RRBP1: variants seen among roughly 807,000 people sequenced by gnomAD.
The protein encoded by RRBP1 is ribosome binding protein 1.
A neutral mutation model predicts 165.2 loss-of-function variants in RRBP1; 94 were observed. The ratio of observed to expected loss-of-function variants is 0.57; its 90% CI spans 0.48 to 0.68. The LOEUF is 0.68. Among genes scored for constraint, RRBP1 ranks in the 30% least tolerant of loss-of-function variants. RRBP1 has a pLI of 0.00. For synonymous variants in RRBP1, 680 were observed against 714.5 expected, an observed-to-expected ratio of 0.95 and a Z score of 0.77; for missense variants, 1,676 against 1,763.0, an observed-to-expected ratio of 0.95 and a Z score of 0.88.
At chr20:17,617,583 C>T (rs1355786076) in intron 20 of RRBP1, among the ~76,000 whole-genome samples, 3 of 152,252 alleles carry the variant, frequency 2.0e-5, no homozygotes, top group African/African-American at 7.2e-5. Context: ...TTTCTCTGCA[C>T]ATCCCCGGCC....
chr20:17,635,978 A>C (rs1217034497), intron 6 of RRBP1, among the ~76,000 whole-genome samples: 3 of 152,156 alleles, frequency 2.0e-5, no homozygotes, highest in African/African-American at 7.2e-5. Context: ...CACATGGTTG[A>C]CTGTTCTAAG....
In RRBP1 at chr20:17,656,318, G is replaced by A. The variant is rs566191117; in HGVS notation, c.1912+2278C>T. Among the ~76,000 whole-genome samples the A allele has an allele frequency of 3.3e-5, 5 of 152,350 alleles. No homozygotes were observed. In the South Asian group the frequency reaches 1.0e-3, roughly 32 times the overall value. On this transcript the variant is annotated intron_variant, in intron 3 of 24. Transcript: ENST00000377813. Reference sequence around the variant, plus strand: ...TGTGGTTGCACAGCCCTGCGTGGCTGTGTGTCAAGCTCCCCCATGTCAGCC... The same window carrying A: ...TGTGGTTGCACAGCCCTGCGTGGCTATGTGTCAAGCTCCCCCATGTCAGCC...
At chr20:17,631,860 A>G (rs1236855466) in intron 8 of RRBP1, among the ~76,000 whole-genome samples, 2 of 152,238 alleles carry the variant, frequency 1.3e-5, no homozygotes, top group Non-Finnish European at 2.9e-5. Context: ...CACAATATGG[A>G]AAGAGCCCCA....
chr20:17,629,845 C>A lies in RRBP1; in HGVS notation c.2727G>T (p.Gln909His). 6.3e-7 allele frequency: 1 copy of A among 1,599,274 alleles called. No homozygotes were observed. The highest frequency in any genetic ancestry group is 1.1e-5 in the South Asian group (1 of 91,016). ...ASLRADAEKA[Q>H]EQQQQMAELH... ...TACCGGCCATCTGCTGCTGTTGCTC[C>A]TGGGCCTTCTCGGCATCCGCCCGGA... Residue 909 changes from glutamine to histidine, a missense_variant, in exon 9 of 25, where the codon CAG (glutamine) becomes CAT (histidine). By Grantham distance (24) the Gln-to-His change is conservative. This residue lies in a region of RRBP1 where 1,184 missense variants were observed against 1,167.1 expected (regional missense o/e 1.01). Transcript: ENST00000377813.
intron 7 of RRBP1, 52 bp from the exon 8 acceptor site, chr20:17,633,665 G>A (rs775060700): frequency 8.8e-6 from 14 of 1,587,812 alleles, no homozygotes; most frequent in East Asian, 2.2e-5. Flanking sequence ...TGATGGGATC[G>A]GTGGTCCAAG....
intron 2 of RRBP1, among the ~76,000 whole-genome samples, chr20:17,665,637 T>C (rs899015082): frequency 2.6e-5 from 4 of 152,216 alleles, no homozygotes; most frequent in Admixed American, 2.6e-4. Flanking sequence ...CACAAATTAT[T>C]AGCCATACTC....
At chr20:17,671,886 C>G (rs750847363) in intron 2 of RRBP1, among the ~76,000 whole-genome samples, 1 of 152,142 alleles carries the variant, frequency 6.6e-6, no homozygotes, top group Non-Finnish European at 1.5e-5. Flanking sequence ...GTTAGAAGAC[C>G]GGTTCAGGCC....
chr20:17,630,599 C>T (rs1244528667), intron 8 of RRBP1, among the ~76,000 whole-genome samples: 1 of 152,218 alleles, frequency 6.6e-6, no homozygotes, highest in Non-Finnish European at 1.5e-5. Flanking sequence ...TGCCCAGTTC[C>T]CGGCTCAGTG....
chr20:17,660,446 GA>G lies in RRBP1; in HGVS notation c.61del (p.Ser21LeufsTer13). 6.2e-7 allele frequency: 1 copy of G among 1,614,198 alleles called. No individual in the cohort carries two copies. The highest frequency in any genetic ancestry group is 8.5e-7 in the Non-Finnish European group (1 of 1,180,046). On this transcript the variant is annotated frameshift_variant, in exon 3 of 25. Transcript: ENST00000377813. LOFTEE classifies it high-confidence loss of function. ...VVVFGGFMVV[S>X]AIGIFLVSTF... ...CGACACCAGGAAGATGCCAATGGCA[GA>G]AACAACCATGAATCCTCCAAAGACC... is the stretch of plus-strand genomic sequence containing the variant.
intron 9 of RRBP1, among the ~76,000 whole-genome samples, chr20:17,628,133 A>G (rs966832078): frequency 3.3e-5 from 5 of 151,520 alleles, no homozygotes; most frequent in African/African-American, 1.2e-4. Flanking sequence ...CCAGGGGGTG[A>G]CTCTTCTGCC....
intron 1 of RRBP1, 145 bp downstream of exon 1, chr20:17,681,883 C>A (rs2037198721): frequency 6.8e-6 from 1 of 146,824 alleles, no homozygotes; most frequent in Admixed American, 6.8e-5. Context: ...TGGTGCACGG[C>A]CGCGGCGGCA....
intron 3 of RRBP1, among the ~76,000 whole-genome samples, chr20:17,651,822 G>A (rs2036564636): frequency 6.6e-6 from 1 of 152,200 alleles, no homozygotes. Flanking sequence ...GTCAAATACA[G>A]CCATGGACAA....
rs371957155 is a variant in RRBP1, at chr20:17,641,769, A to G, written c.2184+28T>C. On this transcript the variant is annotated intron_variant, in intron 5 of 24. Coordinates refer to ENST00000377813, the MANE Select transcript of RRBP1 (RefSeq NM_001365613.2). ...GTCCTCTGAGGACGGGAGAGGACAA[A>G]CCATCTCCGAGCCCACTCAGGCTGT... is the stretch of plus-strand genomic sequence containing the variant. The G allele has an allele frequency of 3.1e-6, 5 of 1,609,908 alleles. No individual in the cohort carries two copies. The South Asian group carries it at 3.3e-5, about 11-fold the overall frequency.
At chr20:17,680,821 G>C (rs2037167455) in intron 1 of RRBP1, among the ~76,000 whole-genome samples, 2 of 152,072 alleles carry the variant, frequency 1.3e-5, no homozygotes, top group African/African-American at 2.4e-5. Flanking sequence ...CATCCCAACT[G>C]AACAGCCAAC....
At chr20:17,614,447 A>T (rs2035752560) in intron 24 of RRBP1, among the ~76,000 whole-genome samples, 1 of 152,018 alleles carries the variant, frequency 6.6e-6, no homozygotes, top group African/African-American at 2.4e-5. Context: ...AGCACTGGCT[A>T]AGGGGCCCAC....
chr20:17,640,635 G>C (rs2036336774), intron 5 of RRBP1, among the ~76,000 whole-genome samples: 1 of 152,142 alleles, frequency 6.6e-6, no homozygotes, highest in South Asian at 2.1e-4. Context: ...AAGGCCAGTG[G>C]TCTCCGAGGA....
chr20:17,622,051 A>G lies in RRBP1; in HGVS notation c.3148-104T>C, dbSNP rs964655888. 3 of 822,926 alleles carry G rather than the reference A, an allele frequency of 3.6e-6. No homozygotes were observed. In the African/African-American group the frequency reaches 5.0e-5, roughly 14 times the overall value. 51.0% of individuals were successfully genotyped at this position (822,926 alleles called of 1,614,324 possible). A position where few individuals can be genotyped will look rare whatever the true frequency, so the allele number is the denominator to read the frequency against. On this transcript the variant is annotated intron_variant, in intron 13 of 24. Coordinates refer to ENST00000377813, the MANE Select transcript of RRBP1 (RefSeq NM_001365613.2). ...CCCGGGTCTCTGCCCCAGAAAGGGC[A>G]CATCCTCAGCTCTTCAGGGAAGCGA...
rs573808305 is a variant in RRBP1 at position 17,646,751 on chromosome 20, C to G, written c.1913-3624G>C. ...CTCAGGCACCTAAAATTAAACTCAT[C>G]TGGCAAAGAGGCACTTAGTGTTCTC... On this transcript the variant is annotated intron_variant, in intron 3 of 24. Coordinates refer to ENST00000377813, the MANE Select transcript of RRBP1 (RefSeq NM_001365613.2). Among the ~76,000 whole-genome samples, 3 of 152,344 alleles carry G rather than the reference C, an allele frequency of 2.0e-5. No individual in the cohort carries two copies. In the South Asian group the frequency reaches 6.2e-4, roughly 32 times the overall value.
rs1416398479 is a variant in RRBP1, at chr20:17,682,033, G to C, written c.-104C>G. ...GGCCCGGCCAAGTTTCTTACCTGCA[G>C]CCAGAGACGCGAGAGGGAAAGCGAG... On this transcript the variant is annotated 5_prime_UTR_variant, in exon 1 of 25. Transcript: ENST00000377813. 1 of 151,648 alleles carries C rather than the reference G, an allele frequency of 6.6e-6. No homozygotes were observed. Among genetic ancestry groups the C allele is most frequent in the Non-Finnish European group, 1.5e-5 (1 of 67,914 alleles). The allele number at this position is 151,648 out of a possible 1,614,324, so 9.4% of individuals were successfully genotyped here.
Sources: allele counts gnomAD v4.1 joint callset (sites outside exome capture counted in the v4.1 genomes callset), GRCh38; gene constraint gnomAD v4.1.1; regional missense constraint gnomAD v4.1.1; transcripts MANE v1.5; gene names NCBI Gene and HGNC (gene_info 2026-07-23, HGNC 2026-07-21).